Variants in ADTRP observed in about 807,000 individuals in gnomAD.
ADTRP encodes androgen-dependent TFPI-regulating protein.
Under a neutral mutation model 27.0 loss-of-function variants are expected in ADTRP, and 20 were observed. That is an observed-to-expected ratio of 0.74 (90% CI 0.52 to 1.08). The LOEUF is 1.08. ADTRP is among the 50% of genes least tolerant of loss of function. The probability of loss-of-function intolerance (pLI) is 0.00; values close to 1 mark genes in which losing one functional copy is unlikely to be tolerated. For missense variants in ADTRP, 251 were observed against 275.0 expected (o/e 0.91, Z 0.62); for synonymous variants, 101 against 105.2 (o/e 0.96, Z 0.25).
chr6:11,727,491 C>T (rs1762248001), intron 4 of ADTRP, among the ~76,000 whole-genome samples: 1 of 152,128 alleles, frequency 6.6e-6, no homozygotes, highest in Non-Finnish European at 1.5e-5. Context: ...TCTGAATGTA[C>T]TCCAAAAAGT....
At chr6:11,748,237 AT>A (rs1245243110) in intron 3 of ADTRP, among the ~76,000 whole-genome samples, 1 of 152,206 alleles carries the variant, frequency 6.6e-6, no homozygotes, top group Non-Finnish European at 1.5e-5. Flanking sequence ...AACTTTCTGT[AT>A]AAAAGAACAC....
chr6:11,768,500 G>T, intron 1 of ADTRP, 117 bp from the exon 2 acceptor site: 2 of 1,359,088 alleles, frequency 1.5e-6, no homozygotes, highest in Non-Finnish European at 1.0e-6. Context: ...GAGGGCTGTT[G>T]GGTTGTTTTG....
chr6:11,744,155 C>T (rs1001912823), intron 3 of ADTRP, among the ~76,000 whole-genome samples: 4 of 152,104 alleles, frequency 2.6e-5, no homozygotes, highest in Non-Finnish European at 5.9e-5. Flanking sequence ...CTGGCACCTC[C>T]TCCCCTCTCT....
At chr6:11,768,814 A>AAATCTCACT (rs1215297260) in intron 1 of ADTRP, among the ~76,000 whole-genome samples, 5 of 152,146 alleles carry the variant, frequency 3.3e-5, no homozygotes, top group Admixed American at 2.0e-4. Context: ...CCTAGTGCTG[A>AAATCTCACT]AATCTCACTA....
intron 3 of ADTRP, among the ~76,000 whole-genome samples, chr6:11,757,564 C>A (rs1418109206): frequency 1.3e-5 from 2 of 152,150 alleles, no homozygotes; most frequent in East Asian, 3.9e-4. Context: ...GAAACAAATG[C>A]AAATGTAATT....
intron 3 of ADTRP, among the ~76,000 whole-genome samples, chr6:11,758,780 T>C (rs1445140997): frequency 6.6e-6 from 1 of 152,076 alleles, no homozygotes; most frequent in African/African-American, 2.4e-5. Context: ...ATACCCTACA[T>C]GAAGCACTTC....
At chr6:11,761,428 T>C (rs1300047441) in intron 3 of ADTRP, among the ~76,000 whole-genome samples, 1 of 152,250 alleles carries the variant, frequency 6.6e-6, no homozygotes, top group African/African-American at 2.4e-5. Context: ...AGGCATCTGA[T>C]AAATACTTTT....
At chr6:11,746,028 T>C (rs985116297) in intron 3 of ADTRP, among the ~76,000 whole-genome samples, 2 of 152,152 alleles carry the variant, frequency 1.3e-5, no homozygotes, top group Middle Eastern at 3.2e-3. Flanking sequence ...TGACCTCAAG[T>C]GATCTGCCTG....
At chr6:11,773,647 AGCTGGGGACTGAGTACCTCAGC>A (rs1763857900) in intron 1 of ADTRP, among the ~76,000 whole-genome samples, 1 of 152,152 alleles carries the variant, frequency 6.6e-6, no homozygotes, top group African/African-American at 2.4e-5. Flanking sequence ...CACTCCTGAG[AGCTGGGGACTGAGTACCTCAGC>A]GCTGGGGAGG....
At chr6:11,734,282 T>C (rs1297909507) in intron 4 of ADTRP, among the ~76,000 whole-genome samples, 5 of 152,248 alleles carry the variant, frequency 3.3e-5, no homozygotes, top group Non-Finnish European at 5.9e-5. Context: ...CCACTGTCCA[T>C]TGTCATGCTA....
chr6:11,767,317 A>T (rs1212997522), intron 2 of ADTRP, among the ~76,000 whole-genome samples: 2 of 152,238 alleles, frequency 1.3e-5, no homozygotes, highest in African/African-American at 4.8e-5. Context: ...TGGGCAACAG[A>T]GTGAGACTTT....
intron 3 of ADTRP, among the ~76,000 whole-genome samples, chr6:11,760,240 G>A (rs181559269): frequency 1.3e-5 from 2 of 152,194 alleles, no homozygotes; most frequent in Non-Finnish European, 2.9e-5. Flanking sequence ...CATAACCAAG[G>A]CTCTATCCTC....
chr6:11,753,520 T>C (rs951958104), intron 3 of ADTRP, among the ~76,000 whole-genome samples: 2 of 152,214 alleles, frequency 1.3e-5, no homozygotes, highest in African/African-American at 4.8e-5. Flanking sequence ...ACACTTACAA[T>C]TTCTGTGATC....
At chr6:11,735,888 A>T (rs2113903199) in intron 3 of ADTRP, 3 of 508,802 alleles carry the variant, frequency 5.9e-6, no homozygotes, top group Non-Finnish European at 1.1e-5. Context: ...GCTACCAAGG[A>T]CTTTGCAATG....
At position 11,763,944 on chromosome 6, in the gene ADTRP, G is replaced by C. The variant is rs150281809; in HGVS notation, c.390+2330C>G. Among the ~76,000 whole-genome samples, 372 of 152,344 alleles carry C rather than the reference G, an allele frequency of 2.4e-3. 2 individuals are homozygous for C. Among genetic ancestry groups the C allele is most frequent in the Non-Finnish European group, 4.0e-3 (273 of 68,030 alleles). On this transcript the variant is annotated intron_variant, in intron 3 of 5. Transcript: ENST00000414691. The stretch of plus-strand genomic sequence containing the variant: ...ACATTTTTCCTAAGATGGATCTGTT[G>C]AGAGTTTCTTCAATCAAACTAAGAG...
At chr6:11,770,810 C>A (rs1763746867) in intron 1 of ADTRP, among the ~76,000 whole-genome samples, 1 of 152,160 alleles carries the variant, frequency 6.6e-6, no homozygotes, top group Admixed American at 6.5e-5. Context: ...CCTCGCCTCA[C>A]CCTGGTTTCA....
chr6:11,769,946 G>T, intron 1 of ADTRP: 1 of 1,429,472 alleles, frequency 7.0e-7, no homozygotes, highest in Non-Finnish European at 9.7e-7. Context: ...ACTGAACTGT[G>T]TTTCATTCTC....
chr6:11,753,876 T>C (rs970755881), intron 3 of ADTRP, among the ~76,000 whole-genome samples: 11 of 152,188 alleles, frequency 7.2e-5, no homozygotes, highest in Non-Finnish European at 1.2e-4. Flanking sequence ...TCCTGATCAG[T>C]AGGCCTGTTA....
At chr6:11,767,124 C>G (rs1763597609) in intron 2 of ADTRP, among the ~76,000 whole-genome samples, 1 of 152,312 alleles carries the variant, frequency 6.6e-6, no homozygotes, top group Non-Finnish European at 1.5e-5. Context: ...GTAATCCTAG[C>G]ACTTTGGGAG....
Sources: gnomAD v4.1 joint callset for allele counts (sites outside exome capture counted in the v4.1 genomes callset) on GRCh38, gnomAD v4.1.1 for gene constraint, MANE v1.5 for transcripts, NCBI Gene and HGNC (gene_info 2026-07-23, HGNC 2026-07-21) for gene names.